The following KANSL1 variants were observed in gnomAD, a reference collection of about 807,000 sequenced individuals.
The protein encoded by KANSL1 is MLL1/MLL complex subunit KANSL1.
In KANSL1, 22 loss-of-function variants were observed where a neutral mutation model predicts 103.6. The ratio of observed to expected loss-of-function variants is 0.21; its 90% CI spans 0.15 to 0.30. The LOEUF (loss-of-function observed/expected upper bound fraction) is 0.30. KANSL1 is among the 10% of genes least tolerant of loss of function. The pLI is 1.00. For missense variants in KANSL1, 1,337 were observed against 1,399.8 expected, an observed-to-expected ratio of 0.96 and a Z score of 0.72; for synonymous variants, 600 against 527.6, an observed-to-expected ratio of 1.14 and a Z score of -1.88.
At chr17:46,112,157 A>C (rs1472030718) in intron 2 of KANSL1, among the ~76,000 whole-genome samples, 2 of 152,148 alleles carry the variant, frequency 1.3e-5, no homozygotes, top group Non-Finnish European at 2.9e-5. Flanking sequence ...GCCTGAGGTC[A>C]GGAGTTCAAG....
chr17:46,062,665 T>G (rs1424160308), intron 6 of KANSL1, among the ~76,000 whole-genome samples: 2 of 151,962 alleles, frequency 1.3e-5, no homozygotes, highest in East Asian at 3.9e-4. Context: ...GCCAGCCTTT[T>G]TAAGGGCAAA....
At chr17:46,110,099 G>A (rs964899817) in intron 2 of KANSL1, among the ~76,000 whole-genome samples, 5 of 152,276 alleles carry the variant, frequency 3.3e-5, no homozygotes, top group Admixed American at 2.6e-4. Context: ...TTCATCTTAA[G>A]TCGTAAAAAG....
In KANSL1 at chr17:46,171,195, T is replaced by C. The variant is rs139843442; in HGVS notation, c.949A>G (p.Ile317Val). ...AAAAATCCACCCAGCTGATGTTGTA[T>C]ATGCCTCTCAACCTGCTTGGCTTGC... is the stretch of plus-strand genomic sequence containing the variant. ...VVQAKQVERH[I>V]QHQLGGFLEK... is the part of the protein sequence containing the mutation. The change falls in exon 2 of 15, where the codon ATA (isoleucine) becomes GTA (valine). Residue 317 changes from isoleucine to valine, a missense_variant. Physicochemically the swap from Ile to Val is conservative, Grantham distance 29 (BLOSUM62 3). Transcript: ENST00000432791. 39 of 1,614,064 alleles carry C rather than the reference T, an allele frequency of 2.4e-5. No homozygotes were observed. The African/African-American group carries it at 4.5e-4, about 19-fold the overall frequency.
chr17:46,151,054 C>T (rs544359504), intron 2 of KANSL1, among the ~76,000 whole-genome samples: 1 of 152,172 alleles, frequency 6.6e-6, no homozygotes, highest in East Asian at 1.9e-4. Context: ...AGAAGTAATA[C>T]AACATACTGA....
chr17:46,160,546 G>C (rs1597839187), intron 2 of KANSL1, among the ~76,000 whole-genome samples: 1 of 152,196 alleles, frequency 6.6e-6, no homozygotes, highest in East Asian at 1.9e-4. Context: ...TGCCCGCCTT[G>C]GCCTCCCCAA....
chr17:46,220,130 C>G (rs1421466887), intron 1 of KANSL1, among the ~76,000 whole-genome samples: 1 of 152,128 alleles, frequency 6.6e-6, no homozygotes, highest in African/African-American at 2.4e-5. Context: ...AACAAAAAAA[C>G]TATTCTCTCA....
chr17:46,210,202 C>T (rs895856603), intron 1 of KANSL1, among the ~76,000 whole-genome samples: 11 of 152,238 alleles, frequency 7.2e-5, no homozygotes, highest in African/African-American at 2.4e-4. Context: ...GGCTGGGTGA[C>T]GGTGGCTCAT....
rs780829206 is a variant in KANSL1, at chr17:46,038,642, C to T, written c.2437G>A (p.Ala813Thr). Residue 813 changes from alanine to threonine, a missense_variant, in exon 10 of 15, where the codon GCC (alanine) becomes ACC (threonine). Physicochemically the swap from Ala to Thr is moderately conservative, Grantham distance 58. Coordinates refer to ENST00000432791, the MANE Select transcript of KANSL1 (RefSeq NM_015443.4). ...GGACTGTGTGGAGGATGGTGGGTGG[C>T]TGCCAAGTAGCTCGAACTGCTCATG... is the stretch of plus-strand genomic sequence containing the variant. ...TDMSSSSYLAATHHPPHSPLV... is the reference protein window; with the variant it reads ...TDMSSSSYLATTHHPPHSPLV... 1.2e-6 allele frequency: 2 copies of T among 1,614,164 alleles called. No homozygotes were observed. The highest frequency in any genetic ancestry group is 1.7e-6 in the Non-Finnish European group (2 of 1,180,030).
At chr17:46,182,620 T>C (rs1216100442) in intron 1 of KANSL1, among the ~76,000 whole-genome samples, 2 of 152,270 alleles carry the variant, frequency 1.3e-5, no homozygotes, top group Non-Finnish European at 2.9e-5. Flanking sequence ...CAAATGTTGT[T>C]CACTAACATT....
chr17:46,141,810 G>C (rs1320067195), intron 2 of KANSL1, among the ~76,000 whole-genome samples: 2 of 152,328 alleles, frequency 1.3e-5, no homozygotes, highest in East Asian at 3.9e-4. Context: ...AGCTTTTTCG[G>C]AAAGAGGGTT....
upstream of KANSL1, among the ~76,000 whole-genome samples, chr17:46,195,852 C>T (rs2532233): frequency 0.14 from 21,948 of 152,098 alleles, 2,133 homozygotes; most frequent in Non-Finnish European, 0.22. Context: ...TGAAGAGAAA[C>T]AAATTTTCTT....
intron 1 of KANSL1, among the ~76,000 whole-genome samples, chr17:46,199,237 A>G (rs1258074687): frequency 2.0e-5 from 3 of 152,382 alleles, no homozygotes; most frequent in African/African-American, 7.2e-5. Context: ...TCAGTCTTCA[A>G]TTCTCACTTT....
chr17:46,113,823 AAC>A (rs1263058366), intron 2 of KANSL1, among the ~76,000 whole-genome samples: 1 of 152,178 alleles, frequency 6.6e-6, no homozygotes. Context: ...CTTAGTCAAT[AAC>A]ATTCACATAG....
At chr17:46,130,927 A>G (rs921132543) in intron 2 of KANSL1, among the ~76,000 whole-genome samples, 2 of 152,220 alleles carry the variant, frequency 1.3e-5, no homozygotes, top group African/African-American at 4.8e-5. Flanking sequence ...TCTTTAAGAA[A>G]TTCTATAAAG....
chr17:46,191,364 A>G (rs1218577143), intron 1 of KANSL1, among the ~76,000 whole-genome samples: 3 of 152,248 alleles, frequency 2.0e-5, no homozygotes, highest in South Asian at 2.1e-4. Flanking sequence ...GAAATTTTCT[A>G]AATTGGTCAG....
At chr17:46,183,661 A>C (rs1164050540) in intron 1 of KANSL1, among the ~76,000 whole-genome samples, 2 of 149,154 alleles carry the variant, frequency 1.3e-5, no homozygotes, top group African/African-American at 2.5e-5. Context: ...AAGGAAGGGA[A>C]GGAGTAGGGC....
chr17:46,150,767 A>G (rs2045044058), intron 2 of KANSL1, among the ~76,000 whole-genome samples: 1 of 152,226 alleles, frequency 6.6e-6, no homozygotes, highest in South Asian at 2.1e-4. Context: ...TGATTCTGCC[A>G]TTGTTGTTAA....
At chr17:46,119,652 T>C (rs1378160079) in intron 2 of KANSL1, among the ~76,000 whole-genome samples, 1 of 152,194 alleles carries the variant, frequency 6.6e-6, no homozygotes, top group Non-Finnish European at 1.5e-5. Context: ...AAATTCAACT[T>C]GTACAAATTC....
chr17:46,052,251 A>C (rs1046042975), intron 6 of KANSL1, among the ~76,000 whole-genome samples: 2 of 152,248 alleles, frequency 1.3e-5, no homozygotes, highest in Non-Finnish European at 2.9e-5. Flanking sequence ...ATAAAAAATA[A>C]AAAGAGAGAG....
Sources: gnomAD v4.1 joint callset for allele counts (sites outside exome capture counted in the v4.1 genomes callset) on GRCh38, gnomAD v4.1.1 for gene constraint, MANE v1.5 for transcripts, NCBI Gene and HGNC (gene_info 2026-07-23, HGNC 2026-07-21) for gene names.